The following DPP8 variants were observed in gnomAD, a reference collection of about 807,000 sequenced individuals.
The protein encoded by DPP8 is DPP VIII.
In DPP8, 31 loss-of-function variants were observed where a neutral mutation model predicts 107.5. That is an observed-to-expected ratio of 0.29 (90% CI 0.22 to 0.39). DPP8 has a LOEUF of 0.39. DPP8 is among the 10% of genes least tolerant of loss of function. The pLI, the probability that DPP8 is intolerant of heterozygous loss-of-function variation, is 1.00. For synonymous variants in DPP8, 381 were observed against 356.6 expected, an observed-to-expected ratio of 1.07 and a Z score of -0.77; for missense variants, 842 against 1,076.1, an observed-to-expected ratio of 0.78 and a Z score of 3.04.
chr15:65,466,769 T>C lies in DPP8; in HGVS notation c.1734A>G (p.Pro578=). 1 of 1,613,954 alleles carries C rather than the reference T, an allele frequency of 6.2e-7. No homozygotes were observed. Among genetic ancestry groups the C allele is most frequent in the Non-Finnish European group, 8.5e-7 (1 of 1,179,830 alleles). ...FISKYSNQKN[P]HCVSLYKLSS... Reference sequence around the variant, plus strand: ...ATAGCTTGTAAAGGGACACACAGTGTGGATTCTTCTGGTTACTATACTTAC... The same window carrying C: ...ATAGCTTGTAAAGGGACACACAGTGCGGATTCTTCTGGTTACTATACTTAC... Residue 578 remains proline, a synonymous_variant, in exon 14 of 20, where the codon CCA becomes CCG. Coordinates refer to ENST00000300141, the MANE Select transcript of DPP8 (RefSeq NM_130434.5).
intron 5 of DPP8, 35 bp from the exon 6 acceptor site, chr15:65,490,334 A>C: frequency 7.5e-7 from 1 of 1,327,910 alleles, no homozygotes. Flanking sequence ...TATCACAGAA[A>C]GCTATCTTTT....
chr15:65,464,516 T>C (rs984752583), intron 14 of DPP8, among the ~76,000 whole-genome samples: 3 of 151,842 alleles, frequency 2.0e-5, no homozygotes, highest in Non-Finnish European at 2.9e-5. Flanking sequence ...ACCCTGTCTC[T>C]ACAAAAAAAT....
rs2066926684 is a variant in DPP8 at position 65,481,560 on chromosome 15, C to G, written c.1073G>C (p.Gly358Ala). 6.3e-7 allele frequency: 1 copy of G among 1,593,484 alleles called. No homozygotes were observed. The highest frequency in any genetic ancestry group is 1.4e-5 in the African/African-American group (1 of 73,514). The change falls in exon 9 of 20, where the codon GGA becomes GCA. Residue 358 changes from glycine (G) to alanine (A), a missense_variant. Physicochemically the swap from Gly to Ala is moderately conservative, Grantham distance 60. This residue lies in a region of DPP8 where 663 missense variants were observed against 758.0 expected (regional missense o/e 0.87). Coordinates refer to ENST00000300141, the MANE Select transcript of DPP8 (RefSeq NM_130434.5). ...LIQPFEILFE[G>A]VEYIARAGWT... ...TCCAGCTCTGGCAATATATTCAACT[C>G]CTTCAAATAGAATCTCAAAAGGTTG...
chr15:65,446,664 C>A lies in DPP8; in HGVS notation c.*220G>T. The A allele has an allele frequency of 1.6e-5, 3 of 185,178 alleles. No homozygotes were observed. Among genetic ancestry groups the A allele is most frequent in the Admixed American group, 7.0e-5 (1 of 14,188 alleles). The allele number at this position is 185,178 out of a possible 1,614,324, so 11.5% of individuals were successfully genotyped here. On this transcript the variant is annotated 3_prime_UTR_variant, in exon 20 of 20. Coordinates refer to ENST00000300141, the MANE Select transcript of DPP8 (RefSeq NM_130434.5). ...TAATTCTTATGGTATTGCTGGGTCT[C>A]TCAGGAATATGTATCATTTGATTTT... is the stretch of plus-strand genomic sequence containing the variant.
chr15:65,472,146 C>T (rs2065950335), intron 12 of DPP8, among the ~76,000 whole-genome samples: 1 of 152,182 alleles, frequency 6.6e-6, no homozygotes, highest in Admixed American at 6.5e-5. Flanking sequence ...GACTTCCTTC[C>T]TTTTCCCTAT....
intron 6 of DPP8, among the ~76,000 whole-genome samples, chr15:65,488,919 T>C (rs2067714835): frequency 6.6e-6 from 1 of 152,156 alleles, no homozygotes; most frequent in Admixed American, 6.6e-5. Flanking sequence ...ACAGACTCTC[T>C]AGTCAATCAC....
intron 3 of DPP8, among the ~76,000 whole-genome samples, chr15:65,502,318 A>C (rs1353607065): frequency 6.9e-6 from 1 of 145,288 alleles, no homozygotes; most frequent in African/African-American, 2.5e-5. Flanking sequence ...AAAAAAAAAA[A>C]CTTCAGAGCA....
intron 12 of DPP8, among the ~76,000 whole-genome samples, chr15:65,468,452 C>CCAAT (rs1370446945): frequency 6.6e-6 from 1 of 151,582 alleles, no homozygotes; most frequent in African/African-American, 2.4e-5. Context: ...CATGATCATG[C>CCAAT]CAATGCATTC....
chr15:65,451,044 T>C lies in DPP8; in HGVS notation c.2481A>G (p.Ile827Met), dbSNP rs747755601. The C allele has an allele frequency of 6.2e-7, 1 of 1,612,436 alleles. No homozygotes were observed. Among genetic ancestry groups the C allele is most frequent in the African/African-American group, 1.3e-5 (1 of 74,998 alleles). ...CAGCCCTCACTAAAAAACTCAGTAA[T>C]ATACTGGTATGTGCAAAATGGACAT... ...DENVHFAHTS[I>M]LLSFLVRAGK... is the part of the protein sequence containing the mutation. Residue 827 changes from isoleucine to methionine, a missense_variant, in exon 19 of 20, where the codon ATA becomes ATG. By Grantham distance (10) the Ile-to-Met change is conservative. Coordinates refer to ENST00000300141, the MANE Select transcript of DPP8 (RefSeq NM_130434.5).
intron 15 of DPP8, among the ~76,000 whole-genome samples, chr15:65,459,920 G>A (rs931569860): frequency 1.3e-5 from 2 of 150,800 alleles, no homozygotes; most frequent in Admixed American, 6.6e-5. Context: ...GTGCCACTGC[G>A]CCCCAGCCTA....
At position 65,474,198 on chromosome 15, in the gene DPP8, A is replaced by C; in HGVS notation, c.1536+11T>G. ...ACTGACCAAACATATCAGTAGAATAAAATAACATACATTAGATCCATGCCG... is the reference window on the plus strand; with the variant it reads ...ACTGACCAAACATATCAGTAGAATACAATAACATACATTAGATCCATGCCG... On this transcript the variant is annotated intron_variant, in intron 12 of 19. Coordinates refer to ENST00000300141, the MANE Select transcript of DPP8 (RefSeq NM_130434.5). The C allele has an allele frequency of 6.3e-7, 1 of 1,592,092 alleles. No homozygotes were observed. Among genetic ancestry groups the C allele is most frequent in the Non-Finnish European group, 8.6e-7 (1 of 1,160,028 alleles).
At chr15:65,449,047 A>G (rs66993805) in intron 19 of DPP8, among the ~76,000 whole-genome samples, 31,333 of 141,932 alleles carry the variant, frequency 0.22, 4,391 homozygotes, top group East Asian at 0.73. Context: ...GTCTCTACTA[A>G]AAGTACAAAA....
chr15:65,514,674 T>G (rs1488381383), intron 1 of DPP8, among the ~76,000 whole-genome samples: 1 of 151,954 alleles, frequency 6.6e-6, no homozygotes, highest in Admixed American at 6.6e-5. Flanking sequence ...TCGTGCCCAG[T>G]TAATTTTTGT....
At chr15:65,504,496 C>A (rs996980225) in intron 3 of DPP8, among the ~76,000 whole-genome samples, 1 of 151,582 alleles carries the variant, frequency 6.6e-6, no homozygotes, top group Non-Finnish European at 1.5e-5. Context: ...ATGGTGAAAC[C>A]CTGTCTCTAC....
In DPP8 at chr15:65,492,235, G is replaced by A. The variant is rs150075212; in HGVS notation, c.716-1936C>T. On this transcript the variant is annotated intron_variant, in intron 5 of 19. Transcript: ENST00000300141. Reference sequence around the variant, plus strand: ...CAGGTGCCTATGGTCCCAGTTACTCGGGAGGCTGAGGTAGGAGAATCACTT... The same window carrying A: ...CAGGTGCCTATGGTCCCAGTTACTCAGGAGGCTGAGGTAGGAGAATCACTT... Among the ~76,000 whole-genome samples the A allele has an allele frequency of 7.7e-3, 1,164 of 152,060 alleles. 14 individuals carry two copies. The highest frequency in any genetic ancestry group is 0.026 in the African/African-American group (1,096 of 41,504).
chr15:65,474,862 T>G (rs764698798), intron 11 of DPP8, among the ~76,000 whole-genome samples: 15 of 152,350 alleles, frequency 9.8e-5, no homozygotes, highest in Non-Finnish European at 1.8e-4. Flanking sequence ...TACAATACTC[T>G]GGAATAATAA....
chr15:65,480,080 C>T (rs1485797618), intron 10 of DPP8, 142 bp downstream of exon 10: 3 of 651,986 alleles, frequency 4.6e-6, no homozygotes, highest in Non-Finnish European at 5.1e-6. Context: ...AACCATCACT[C>T]CAATTGGAAA....
intron 3 of DPP8, among the ~76,000 whole-genome samples, chr15:65,503,567 A>G (rs2141020956): frequency 6.6e-6 from 1 of 152,080 alleles, no homozygotes; most frequent in South Asian, 2.1e-4. Flanking sequence ...CAGCCTCACA[A>G]GTAGCTGGGA....
At chr15:65,465,709 C>T (rs1383171773) in intron 14 of DPP8, among the ~76,000 whole-genome samples, 3 of 151,786 alleles carry the variant, frequency 2.0e-5, no homozygotes, top group Admixed American at 2.0e-4. Flanking sequence ...GCGTGTACCA[C>T]CACACCCGGC....
Sources: gnomAD v4.1 joint callset for allele counts (sites outside exome capture counted in the v4.1 genomes callset) on GRCh38, gnomAD v4.1.1 for gene constraint, gnomAD v4.1.1 regional missense constraint, MANE v1.5 for transcripts, NCBI Gene and HGNC (gene_info 2026-07-23, HGNC 2026-07-21) for gene names.